COX7A2L: variants seen among roughly 807,000 people sequenced by gnomAD.
The protein encoded by COX7A2L is cytochrome c oxidase subunit 7A2-like, mitochondrial.
In COX7A2L, 18 loss-of-function variants were observed where a neutral mutation model predicts 14.2. That is an observed-to-expected ratio of 1.27 (90% CI 0.88 to 1.88). The LOEUF (loss-of-function observed/expected upper bound fraction) is 1.88. Among genes scored for constraint, COX7A2L ranks in the 40% most tolerant of loss-of-function variants. The probability of loss-of-function intolerance (pLI) is 0.00; values close to 1 mark genes in which losing one functional copy is unlikely to be tolerated. For missense variants in COX7A2L, 179 were observed against 138.8 expected (o/e 1.29, Z -1.46); for synonymous variants, 65 against 57.4 (o/e 1.13, Z -0.60).
chr2:42,345,962 C>G (rs10189710), downstream of COX7A2L, among the ~76,000 whole-genome samples: 22,995 of 152,172 alleles, frequency 0.15, 1,789 homozygotes, highest in African/African-American at 0.19. Flanking sequence ...ACAAACCAAC[C>G]TGGCAAGGGT....
chr2:42,365,578 G>C (rs1201928398), upstream of COX7A2L: 1 of 151,638 alleles, frequency 6.6e-6, no homozygotes, highest in Non-Finnish European at 1.5e-5. Context: ...AGTGAGCCCA[G>C]ATCATGCCAC....
chr2:42,360,110 C>T (rs1303869903), intron 1 of COX7A2L: 5 of 152,208 alleles, frequency 3.3e-5, no homozygotes, highest in African/African-American at 7.2e-5. Context: ...ATGGAGTATC[C>T]TTTACACCTC....
intron 1 of COX7A2L, among the ~76,000 whole-genome samples, chr2:42,356,327 T>C (rs758368202): frequency 6.6e-6 from 1 of 152,202 alleles, no homozygotes; most frequent in Non-Finnish European, 1.5e-5. Context: ...ACAGCACTTA[T>C]CACCACCTAA....
At chr2:42,358,943 C>A (rs1399346548) in intron 1 of COX7A2L, among the ~76,000 whole-genome samples, 7 of 151,764 alleles carry the variant, frequency 4.6e-5, no homozygotes, top group Non-Finnish European at 1.0e-4. Flanking sequence ...TCAGGCTGTG[C>A]AACACAGCAA....
chr2:42,361,106 T>C lies in COX7A2L; in HGVS notation c.56A>G (p.Glu19Gly), dbSNP rs746886088. 1.2e-6 allele frequency: 2 copies of C among 1,613,778 alleles called. No homozygotes were observed. Among genetic ancestry groups the C allele is most frequent in the Non-Finnish European group, 1.7e-6 (2 of 1,179,884 alleles). ...TQKLAGAWAS[E>G]AYSPQGLKPV... ...CACTCGTACCTGCGGGCTATAGGCC[T>C]CCGAAGCCCATGCTCCTGCCAACTT... Residue 19 changes from glutamate to glycine, a missense_variant, in exon 1 of 3, where the codon GAG (glutamate) becomes GGG (glycine). By Grantham distance (98) the Glu-to-Gly change is moderately conservative. Coordinates refer to ENST00000234301, the MANE Select transcript of COX7A2L (RefSeq NM_004718.4).
chr2:42,362,083 T>G (rs1671070339), upstream of COX7A2L, among the ~76,000 whole-genome samples: 1 of 152,226 alleles, frequency 6.6e-6, no homozygotes, highest in Non-Finnish European at 1.5e-5. Flanking sequence ...TATTCATCCT[T>G]TTCCTGGCCT....
intron 1 of COX7A2L, among the ~76,000 whole-genome samples, chr2:42,360,615 GC>G: frequency 6.6e-6 from 1 of 152,106 alleles, no homozygotes; most frequent in South Asian, 2.1e-4. Context: ...CCAGATCATA[GC>G]CCCCCAACCC....
At position 42,339,506 on chromosome 2, in the gene COX7A2L, G is replaced by A. The variant is rs967171908; in HGVS notation, c.193-5637C>T. ...TCCAGGCATGTGAGCGACACTGGCCGACAACCTCCTTGAAACCCCCTCCTC... is the reference window on the plus strand; with the variant it reads ...TCCAGGCATGTGAGCGACACTGGCCAACAACCTCCTTGAAACCCCCTCCTC... On this transcript the variant is annotated intron_variant, in intron 2 of 2. Transcript: ENST00000468711. This position sits in a 1 kb window ranked among gnomAD's most constrained non-coding sequence, Gnocchi z 5.4. 5.3e-5 allele frequency among the ~76,000 whole-genome samples: 8 copies of A among 152,144 alleles called. No homozygotes were observed. The highest frequency in any genetic ancestry group is 3.3e-4 in the Admixed American group (5 of 15,278).
chr2:42,351,539 C>G (rs922580592), intron 2 of COX7A2L, among the ~76,000 whole-genome samples, 180 bp from the exon 3 acceptor site: 2 of 152,144 alleles, frequency 1.3e-5, no homozygotes, highest in East Asian at 3.9e-4. Flanking sequence ...GCTTGTAAAT[C>G]CAAAGTCATT....
At chr2:42,360,654 T>C (rs915059912) in intron 1 of COX7A2L, among the ~76,000 whole-genome samples, 18 of 152,128 alleles carry the variant, frequency 1.2e-4, no homozygotes, top group African/African-American at 4.3e-4. Flanking sequence ...CTAAACGCCT[T>C]TATAGCCCCG....
downstream of COX7A2L, among the ~76,000 whole-genome samples, chr2:42,347,247 G>A (rs1307723932): frequency 6.7e-6 from 1 of 148,714 alleles, no homozygotes; most frequent in East Asian, 2.0e-4. Context: ...ATTTTATGTA[G>A]ACAAAGGTAA....
chr2:42,337,375 A>G (rs1386615344), intron 2 of COX7A2L, among the ~76,000 whole-genome samples: 1 of 152,152 alleles, frequency 6.6e-6, no homozygotes, highest in African/African-American at 2.4e-5. Context: ...AAACTCTACA[A>G]ACTGCATCCC....
chr2:42,342,694 C>T lies in COX7A2L; in HGVS notation c.193-8825G>A, dbSNP rs565213688. ...GACCATGACTAATCTATGTCATAGA[C>T]GAGGTCAGAACAAGAGAAGGCAGGA... is the stretch of plus-strand genomic sequence containing the variant. On this transcript the variant is annotated intron_variant, in intron 2 of 2. Coordinates refer to the COX7A2L transcript ENST00000468711. This position sits in a 1 kb window ranked among gnomAD's most constrained non-coding sequence, Gnocchi z 4.9. Among the ~76,000 whole-genome samples the T allele has an allele frequency of 5.3e-5, 8 of 152,234 alleles. No homozygotes were observed. Among genetic ancestry groups the T allele is most frequent in the Admixed American group, 3.9e-4 (6 of 15,304 alleles).
chr2:42,341,696 AAAC>A (rs1210263880), intron 2 of COX7A2L, among the ~76,000 whole-genome samples: 2 of 152,250 alleles, frequency 1.3e-5, no homozygotes, highest in African/African-American at 4.8e-5. Context: ...TACCAAGTAT[AAAC>A]AAAGGCTGCT....
Position 42,338,813 on chromosome 2 carries a change from G to A in COX7A2L, c.193-4944C>T, listed in dbSNP as rs1395798963. Among the ~76,000 whole-genome samples the A allele has an allele frequency of 6.6e-6, 1 of 152,214 alleles. No homozygotes were observed. The highest frequency in any genetic ancestry group is 2.4e-5 in the African/African-American group (1 of 41,458). ...TTCCAGTGAGTGGAGGTGGGTTTAG[G>A]TGTTATCTGTGCGGCAGAGGTACCA... On this transcript the variant is annotated intron_variant, in intron 2 of 2. Coordinates refer to the COX7A2L transcript ENST00000468711. The surrounding 1 kb of genome is among the most constrained non-coding windows in gnomAD (Gnocchi z 4.4).
downstream of COX7A2L, among the ~76,000 whole-genome samples, chr2:42,345,931 G>A (rs117605328): frequency 7.9e-5 from 12 of 152,300 alleles, no homozygotes; most frequent in East Asian, 2.3e-3. Context: ...GTGAGAGGGA[G>A]GAGGGTCTTC....
At chr2:42,343,232 C>G (rs929580778) in intron 2 of COX7A2L, among the ~76,000 whole-genome samples, 1 of 152,196 alleles carries the variant, frequency 6.6e-6, no homozygotes, top group Non-Finnish European at 1.5e-5. Flanking sequence ...CCGCCAGTCA[C>G]AGAGAGCTCC....
chr2:42,343,964 T>G (rs913316992), intron 2 of COX7A2L, among the ~76,000 whole-genome samples: 4 of 152,174 alleles, frequency 2.6e-5, no homozygotes, highest in Non-Finnish European at 4.4e-5. Flanking sequence ...GAGCGAAAGC[T>G]AGTCAGACCC....
chr2:42,337,257 G>C (rs963902441), intron 2 of COX7A2L, among the ~76,000 whole-genome samples: 1 of 152,176 alleles, frequency 6.6e-6, no homozygotes, highest in African/African-American at 2.4e-5. Flanking sequence ...CCAAGGTGAT[G>C]TGCAACCCAC....
Sources: allele counts gnomAD v4.1 joint callset (sites outside exome capture counted in the v4.1 genomes callset), GRCh38; gene constraint gnomAD v4.1.1; non-coding constraint Gnocchi (gnomAD v3.1); transcripts MANE v1.5; gene names NCBI Gene and HGNC (gene_info 2026-07-23, HGNC 2026-07-21).